Variants in STAT1 observed in about 807,000 individuals in gnomAD.
The protein encoded by STAT1 is signal transducer and activator of transcription 1-alpha/beta.
A neutral mutation model predicts 111.7 loss-of-function variants in STAT1; 24 were observed. That is an observed-to-expected ratio of 0.21 (90% CI 0.16 to 0.30). The LOEUF (loss-of-function observed/expected upper bound fraction) is 0.30. Among genes scored for constraint, STAT1 ranks in the 10% least tolerant of loss-of-function variants. The pLI is 1.00. For missense variants in STAT1, 351 were observed against 911.9 expected (o/e 0.38, Z 7.92); for synonymous variants, 332 against 326.5 (o/e 1.02, Z -0.18).
chr2:191,010,102 C>A, intron 2 of STAT1, 98 bp from the exon 3 acceptor site: 1 of 1,381,800 alleles, frequency 7.2e-7, no homozygotes, highest in Non-Finnish European at 1.0e-6. Flanking sequence ...AAATATCTTG[C>A]TTAATCCAAA....
chr2:191,001,001 C>T, intron 6 of STAT1, 73 bp downstream of exon 6: 1 of 1,253,992 alleles, frequency 8.0e-7, no homozygotes, highest in Non-Finnish European at 1.2e-6. Flanking sequence ...GAGGTTTACA[C>T]CCCAAGCAAT....
At position 191,007,788 on chromosome 2, in the gene STAT1, T is replaced by A; in HGVS notation, c.274-127A>T. On this transcript the variant is annotated intron_variant, in intron 4 of 24. Transcript: ENST00000361099. The surrounding 1 kb of genome is among the most constrained non-coding windows in gnomAD (Gnocchi z 4.2). ...CTCATCTCTCATCTATTAAATTCTA[T>A]ATAAGCTATGTTTGTTAAAATCAAA... The A allele has an allele frequency of 1.4e-6, 1 of 724,964 alleles. No individual in the cohort carries two copies. Among genetic ancestry groups the A allele is most frequent in the Non-Finnish European group, 2.4e-6 (1 of 423,128 alleles). 44.9% of individuals were successfully genotyped at this position (724,964 alleles called of 1,614,324 possible).
intron 5 of STAT1, among the ~76,000 whole-genome samples, chr2:191,001,780 GACAGGGTCTCTAC>G (rs1427017659): frequency 6.6e-6 from 1 of 152,180 alleles, no homozygotes. Flanking sequence ...ACTCAGAAGT[GACAGGGTCTCTAC>G]TTGCTTCATA....
rs1481235686 is a variant in STAT1, at chr2:190,976,256, C to T, written c.2060-369G>A. On this transcript the variant is annotated intron_variant, in intron 22 of 24. Coordinates refer to ENST00000361099, the MANE Select transcript of STAT1 (RefSeq NM_007315.4). This position sits in a 1 kb window ranked among gnomAD's most constrained non-coding sequence, Gnocchi z 6.0. ...CACAGCTGTCAAGGTAAGCTGGGGACATCTTCATTCCAAAGTAATTGTCCT... is the reference window on the plus strand; with the variant it reads ...CACAGCTGTCAAGGTAAGCTGGGGATATCTTCATTCCAAAGTAATTGTCCT... Among the ~76,000 whole-genome samples the T allele has an allele frequency of 6.6e-6, 1 of 152,214 alleles. No homozygotes were observed. The highest frequency in any genetic ancestry group is 1.5e-5 in the Non-Finnish European group (1 of 68,038).
intron 2 of STAT1, among the ~76,000 whole-genome samples, chr2:191,010,838 T>TTATTTTTA (rs1346659041): frequency 6.6e-6 from 1 of 152,236 alleles, no homozygotes; most frequent in Non-Finnish European, 1.5e-5. Flanking sequence ...AACTGTTAAG[T>TTATTTTTA]CCATTTTTAC....
chr2:190,986,726 C>T lies in STAT1; in HGVS notation c.1221+128G>A. The T allele has an allele frequency of 1.1e-6, 1 of 891,886 alleles. No homozygotes were observed. The highest frequency in any genetic ancestry group is 1.9e-5 in the Admixed American group (1 of 53,692). 55.2% of individuals were successfully genotyped at this position (891,886 alleles called of 1,614,324 possible). On this transcript the variant is annotated intron_variant, in intron 14 of 24. Coordinates refer to ENST00000361099, the MANE Select transcript of STAT1 (RefSeq NM_007315.4). This position sits in a 1 kb window ranked among gnomAD's most constrained non-coding sequence, Gnocchi z 5.0. ...CCAAGTACTGGCGACAGGAAGACAC[C>T]AGCCACAAAGTCTACAAACCCCAGC...
Position 191,007,725 on chromosome 2 carries a change from G to GT in STAT1, c.274-65dup, listed in dbSNP as rs1694813401. ...CAGAATGTTTACTTTATTGTGTATT[G>GT]TAAGTTGATATGAATTTGTTTATAT... On this transcript the variant is annotated intron_variant, in intron 4 of 24. Coordinates refer to ENST00000361099, the MANE Select transcript of STAT1 (RefSeq NM_007315.4). The surrounding 1 kb of genome is among the most constrained non-coding windows in gnomAD (Gnocchi z 4.2). 2 of 1,202,268 alleles carry GT rather than the reference G, an allele frequency of 1.7e-6. No individual in the cohort carries two copies. The highest frequency in any genetic ancestry group is 3.4e-5 in the Admixed American group (2 of 59,250). 74.5% of individuals were successfully genotyped at this position (1,202,268 alleles called of 1,614,324 possible). A position where few individuals can be genotyped will look rare whatever the true frequency, so the allele number is the denominator to read the frequency against.
In STAT1 at chr2:190,980,268, A is replaced by G. The variant is rs1447553475; in HGVS notation, c.1632+352T>C. 6.6e-6 allele frequency among the ~76,000 whole-genome samples: 1 copy of G among 152,268 alleles called. No homozygotes were observed. The highest frequency in any genetic ancestry group is 6.5e-5 in the Admixed American group (1 of 15,294). ...CCGCAGTGGGCCCCTCTGCTCGAGC[A>G]GGCCGTTAAACTCGTCTGGCTGGTC... On this transcript the variant is annotated intron_variant, in intron 19 of 24. Transcript: ENST00000361099. The surrounding 1 kb of genome is among the most constrained non-coding windows in gnomAD (Gnocchi z 6.1).
chr2:190,986,884 A>G lies in STAT1; in HGVS notation c.1191T>C (p.Asn397=). ...TKVMNMEEST[N]GSLAAEFRHL... ...GCCGAAATTCAGCCGCCAGACTGCCATTGGTGGACTCCTCCATGTTCATCA... is the reference window on the plus strand; with the variant it reads ...GCCGAAATTCAGCCGCCAGACTGCCGTTGGTGGACTCCTCCATGTTCATCA... The change falls in exon 14 of 25, where the codon AAT becomes AAC. Residue 397 remains asparagine, a synonymous_variant. Transcript: ENST00000361099. The surrounding 1 kb of genome is among the most constrained non-coding windows in gnomAD (Gnocchi z 5.0). 2 of 1,614,242 alleles carry G rather than the reference A, an allele frequency of 1.2e-6. No individual in the cohort carries two copies. The highest frequency in any genetic ancestry group is 1.7e-6 in the Non-Finnish European group (2 of 1,180,044).
At position 190,976,334 on chromosome 2, in the gene STAT1, A is replaced by T. The variant is rs1356770914; in HGVS notation, c.2060-447T>A. Among the ~76,000 whole-genome samples the T allele has an allele frequency of 6.6e-6, 1 of 152,246 alleles. No individual in the cohort carries two copies. Among genetic ancestry groups the T allele is most frequent in the African/African-American group, 2.4e-5 (1 of 41,458 alleles). ...CAGCTTTGTTGGTGTGTTCCAAACA[A>T]AACAGGTCTAATTCGAACCTTCTCA... On this transcript the variant is annotated intron_variant, in intron 22 of 24. Coordinates refer to ENST00000361099, the MANE Select transcript of STAT1 (RefSeq NM_007315.4). This position sits in a 1 kb window ranked among gnomAD's most constrained non-coding sequence, Gnocchi z 6.0.
At position 191,009,823 on chromosome 2, in the gene STAT1, A is replaced by G. The variant is rs1694990644; in HGVS notation, c.128+53T>C. On this transcript the variant is annotated intron_variant, in intron 3 of 24. Coordinates refer to ENST00000361099, the MANE Select transcript of STAT1 (RefSeq NM_007315.4). ...AACATGGCCCCAAGTCACTTAATCA[A>G]CCAGTACTTTTAAGGTGTAAACTTC... 2.7e-5 allele frequency: 44 copies of G among 1,609,518 alleles called. No homozygotes were observed. In the Admixed American group the frequency reaches 7.3e-4, roughly 27 times the overall value.
In STAT1 at chr2:190,983,446, G is replaced by A. The variant is rs559730874; in HGVS notation, c.1446+196C>T. On this transcript the variant is annotated intron_variant, in intron 17 of 24. Transcript: ENST00000361099. The surrounding 1 kb of genome is among the most constrained non-coding windows in gnomAD (Gnocchi z 5.7). ...ACTGCCCTAGCTTACCCACATGGGAGAAAAAACGTAATTCTCATTTCAAAT... is the reference window on the plus strand; with the variant it reads ...ACTGCCCTAGCTTACCCACATGGGAAAAAAAACGTAATTCTCATTTCAAAT... 1.1e-3 allele frequency among the ~76,000 whole-genome samples: 167 copies of A among 152,310 alleles called. 1 individual carries two copies. Among genetic ancestry groups the A allele is most frequent in the Non-Finnish European group, 1.7e-3 (113 of 68,022 alleles).
rs1328041384 is a variant in STAT1, at chr2:190,996,098, AATG to A, written c.786-882_786-880del. On this transcript the variant is annotated intron_variant, in intron 9 of 24. Transcript: ENST00000361099. The surrounding 1 kb of genome is among the most constrained non-coding windows in gnomAD (Gnocchi z 4.5). Reference sequence around the variant, plus strand: ...GGCCGGGGACAGGAAGAGAGGAAGGAATGATGATTCTGGTTTCACTCAACTGAA... The same window carrying A: ...GGCCGGGGACAGGAAGAGAGGAAGGAATGATTCTGGTTTCACTCAACTGAA... 1.3e-5 allele frequency among the ~76,000 whole-genome samples: 2 copies of A among 152,122 alleles called. No individual in the cohort carries two copies. The highest frequency in any genetic ancestry group is 4.8e-5 in the African/African-American group (2 of 41,420).
At chr2:190,991,201 T>C in intron 11 of STAT1, 27 bp downstream of exon 11, 1 of 1,605,640 alleles carries the variant, frequency 6.2e-7, no homozygotes, top group Non-Finnish European at 8.5e-7. Context: ...ACAGGTGATG[T>C]ATGGGATGCC....
chr2:191,009,050 T>C lies in STAT1; in HGVS notation c.186A>G (p.Ser62=), dbSNP rs146158319. 113 of 1,613,886 alleles carry C rather than the reference T, an allele frequency of 7.0e-5. No homozygotes were observed. Among genetic ancestry groups the C allele is most frequent in the Middle Eastern group, 1.6e-4 (1 of 6,080 alleles). Residue 62 remains serine (S), a synonymous_variant, in exon 4 of 25, where the codon TCA becomes TCG. Coordinates refer to ENST00000361099, the MANE Select transcript of STAT1 (RefSeq NM_007315.4). ...FATIRFHDLL[S]QLDDQYSRFS... ...AGCGACTATATTGATCATCCAGCTG[T>C]GACAGGAGGTCATGAAAACGGATGG...
rs1051620741 is a variant in STAT1 at position 190,981,355 on chromosome 2, T to C, written c.1583-686A>G. 1.3e-5 allele frequency among the ~76,000 whole-genome samples: 2 copies of C among 152,214 alleles called. No homozygotes were observed. The highest frequency in any genetic ancestry group is 6.5e-5 in the Admixed American group (1 of 15,284). On this transcript the variant is annotated intron_variant, in intron 18 of 24. Transcript: ENST00000361099. This position sits in a 1 kb window ranked among gnomAD's most constrained non-coding sequence, Gnocchi z 4.1. ...CCTCAGCTTTCCTCCAAATAGGACA[T>C]GGGCTCAGGCAGTCTGATGCAAATC...
rs1316602997 is a variant in STAT1, at chr2:190,993,328, A to C, written c.944+1733T>G. 7.3e-6 allele frequency: 6 copies of C among 823,040 alleles called. No individual in the cohort carries two copies. The highest frequency in any genetic ancestry group is 2.0e-6 in the Non-Finnish European group (1 of 488,510). The allele number at this position is 823,040 out of a possible 1,614,324, so 51.0% of individuals were successfully genotyped here. A position where few individuals can be genotyped will look rare whatever the true frequency, so the allele number is the denominator to read the frequency against. On this transcript the variant is annotated intron_variant, in intron 10 of 24. Coordinates refer to ENST00000361099, the MANE Select transcript of STAT1 (RefSeq NM_007315.4). This position sits in a 1 kb window ranked among gnomAD's most constrained non-coding sequence, Gnocchi z 4.1. ...CTAGGATGCCATTGGCTCCTCTGTA[A>C]TAACTGGAGATGACTGTTCGAAACC...
chr2:190,998,535 G>A lies in STAT1; in HGVS notation c.542-227C>T, dbSNP rs1430747919. On this transcript the variant is annotated intron_variant, in intron 7 of 24. Transcript: ENST00000361099. The surrounding 1 kb of genome is among the most constrained non-coding windows in gnomAD (Gnocchi z 4.1). ...AAATTAGCCGGGCGCAGTGGCAGAC[G>A]CCTGTAGTCCCAGCTACTCGGGAGG... Among the ~76,000 whole-genome samples the A allele has an allele frequency of 2.0e-5, 3 of 152,020 alleles. No homozygotes were observed. The highest frequency in any genetic ancestry group is 1.9e-4 in the East Asian group (1 of 5,198).
In STAT1 at chr2:190,973,640, G is replaced by A. The variant is rs1691671134; in HGVS notation, c.2238+1190C>T. 6.6e-6 allele frequency among the ~76,000 whole-genome samples: 1 copy of A among 152,200 alleles called. No individual in the cohort carries two copies. The highest frequency in any genetic ancestry group is 1.5e-5 in the Non-Finnish European group (1 of 68,038). ...ATTTTTGTGCCAGGCCTATAGCAGT[G>A]TTGGGAGCGAAACTCTAGCAGGATC... is the stretch of plus-strand genomic sequence containing the variant. On this transcript the variant is annotated intron_variant, in intron 24 of 24. Coordinates refer to ENST00000361099, the MANE Select transcript of STAT1 (RefSeq NM_007315.4). The surrounding 1 kb of genome is among the most constrained non-coding windows in gnomAD (Gnocchi z 4.4).
Sources: gnomAD v4.1 joint callset for allele counts (sites outside exome capture counted in the v4.1 genomes callset) on GRCh38, gnomAD v4.1.1 for gene constraint, Gnocchi (gnomAD v3.1) non-coding constraint, MANE v1.5 for transcripts, NCBI Gene and HGNC (gene_info 2026-07-23, HGNC 2026-07-21) for gene names.